Variants in PTCHD4 observed in about 807,000 individuals in gnomAD.
PTCHD4 encodes the protein patched domain containing 4.
In PTCHD4, 33 loss-of-function variants were observed where a neutral mutation model predicts 58.1. That is an observed-to-expected ratio of 0.57 (90% confidence interval 0.43 to 0.76). PTCHD4 has a LOEUF of 0.76. PTCHD4 is among the 30% of genes least tolerant of loss of function. PTCHD4 has a pLI of 0.00. For synonymous variants in PTCHD4, 478 were observed against 409.6 expected (o/e 1.17, Z -2.02); for missense variants, 1,058 against 1,027.1 (o/e 1.03, Z -0.41).
chr6:48,102,682 T>C (rs1308797885), intron 1 of PTCHD4, among the ~76,000 whole-genome samples: 10 of 152,030 alleles, frequency 6.6e-5, no homozygotes, highest in African/African-American at 2.4e-4. Flanking sequence ...ACCTGGGAAG[T>C]GCAAGGAATT....
At chr6:47,964,278 A>G in intron 4 of PTCHD4, among the ~76,000 whole-genome samples, 1 of 152,200 alleles carries the variant, frequency 6.6e-6, no homozygotes, top group East Asian at 1.9e-4. Context: ...TATGCACATA[A>G]ACATTTGTTA....
chr6:48,025,953 C>T (rs1763229052), intron 3 of PTCHD4, among the ~76,000 whole-genome samples: 1 of 152,002 alleles, frequency 6.6e-6, no homozygotes, highest in African/African-American at 2.4e-5. Context: ...GCAATGACTC[C>T]TACCACTCTC....
chr6:48,078,846 C>T (rs1042137877), intron 1 of PTCHD4, among the ~76,000 whole-genome samples: 10 of 152,150 alleles, frequency 6.6e-5, no homozygotes, highest in African/African-American at 2.4e-4. Flanking sequence ...TGGCCGGGCG[C>T]GGTGGCTCAT....
Position 47,879,278 on chromosome 6 carries a change from G to A in PTCHD4, c.1557C>T (p.Tyr519=), listed in dbSNP as rs773260815. ...FSNYSPVIGF[Y]VYEPLEYWNS... ...TCCAGTACTCTAGGGGCTCATAGAC[G>A]TAGAATCCTATCACAGGGCTATAGT... Residue 519 remains tyrosine, a synonymous_variant, in exon 5 of 5, where the codon TAC becomes TAT. Transcript: ENST00000339488. 62 of 1,612,444 alleles carry A rather than the reference G, an allele frequency of 3.8e-5. No homozygotes were observed. The Middle Eastern group carries it at 4.9e-4, about 13-fold the overall frequency.
At chr6:47,961,442 C>A (rs950768316) in intron 4 of PTCHD4, among the ~76,000 whole-genome samples, 1 of 151,894 alleles carries the variant, frequency 6.6e-6, no homozygotes, top group South Asian at 2.1e-4. Flanking sequence ...CAGGTGCCCA[C>A]TACCCATGCC....
intron 4 of PTCHD4, chr6:47,902,009 G>T: frequency 2.0e-6 from 2 of 993,376 alleles, no homozygotes; most frequent in Non-Finnish European, 2.8e-6. Context: ...TTCCCACTTA[G>T]TATAGTAAAA....
chr6:48,029,530 T>C (rs1050237913), intron 3 of PTCHD4, among the ~76,000 whole-genome samples: 4 of 152,118 alleles, frequency 2.6e-5, no homozygotes, highest in African/African-American at 4.8e-5. Flanking sequence ...TATTTTTAAA[T>C]GTTAAATTTT....
intron 3 of PTCHD4, among the ~76,000 whole-genome samples, chr6:48,047,466 C>T (rs1329453995): frequency 6.6e-6 from 1 of 151,696 alleles, no homozygotes; most frequent in Non-Finnish European, 1.5e-5. Context: ...TAGAGTCAAC[C>T]AGTTAGGCAG....
rs1167787936 is a variant in PTCHD4, at chr6:47,860,489, A to G, written c.*17814T>C. Among the ~76,000 whole-genome samples the G allele has an allele frequency of 6.6e-6, 1 of 152,166 alleles. No homozygotes were observed. The highest frequency in any genetic ancestry group is 2.4e-5 in the African/African-American group (1 of 41,570). ...GTAATCTACATCATTGCTTATCCCA[A>G]CTTAGAGCTTATACCTATACATCTG... On this transcript the variant is annotated 3_prime_UTR_variant, in exon 5 of 5. Transcript: ENST00000339488.
intron 4 of PTCHD4, among the ~76,000 whole-genome samples, chr6:47,997,768 G>A (rs1181000627): frequency 1.3e-5 from 2 of 152,282 alleles, no homozygotes; most frequent in Admixed American, 6.5e-5. Context: ...AAGCCACCAT[G>A]TTCCAGGAAG....
chr6:47,897,248 A>G (rs917788982), intron 4 of PTCHD4, among the ~76,000 whole-genome samples: 8 of 152,146 alleles, frequency 5.3e-5, no homozygotes, highest in South Asian at 2.1e-4. Flanking sequence ...TGATGATGAG[A>G]GTCTGATAAC....
chr6:47,987,406 TA>T (rs371987139), intron 4 of PTCHD4, among the ~76,000 whole-genome samples: 18 of 135,494 alleles, frequency 1.3e-4, no homozygotes, highest in East Asian at 4.2e-4. Flanking sequence ...TAAAGTATAA[TA>T]AAAAAAAAGA....
chr6:48,106,882 C>T (rs368453132), intron 1 of PTCHD4, among the ~76,000 whole-genome samples: 4 of 152,080 alleles, frequency 2.6e-5, no homozygotes, highest in Non-Finnish European at 5.9e-5. Context: ...ACCTAGGAAT[C>T]CAACTTACAA....
In PTCHD4 at chr6:47,871,373, G is replaced by T. The variant is rs1209498374; in HGVS notation, c.*6930C>A. Among the ~76,000 whole-genome samples, 1 of 151,590 alleles carries T rather than the reference G, an allele frequency of 6.6e-6. No homozygotes were observed. Among genetic ancestry groups the T allele is most frequent in the Non-Finnish European group, 1.5e-5 (1 of 67,700 alleles). On this transcript the variant is annotated 3_prime_UTR_variant, in exon 5 of 5. Coordinates refer to ENST00000339488, the MANE Select transcript of PTCHD4 (RefSeq NM_001384253.1). ...GAACAGATTTTTTCCTCCAAGAAAA[G>T]TGATAAGTGAAATGCACTTGGAATT...
At chr6:48,045,099 A>G (rs1413613666) in intron 3 of PTCHD4, among the ~76,000 whole-genome samples, 1 of 151,830 alleles carries the variant, frequency 6.6e-6, no homozygotes, top group African/African-American at 2.4e-5. Flanking sequence ...AACTCTGCAT[A>G]TCATCCCTAC....
chr6:48,094,015 AG>A (rs1765414936), intron 1 of PTCHD4, among the ~76,000 whole-genome samples: 1 of 152,216 alleles, frequency 6.6e-6, no homozygotes, highest in Non-Finnish European at 1.5e-5. Flanking sequence ...AATGTGTAAT[AG>A]GGGTGCATAT....
chr6:48,031,946 C>T (rs938118005), intron 3 of PTCHD4, among the ~76,000 whole-genome samples: 2 of 152,044 alleles, frequency 1.3e-5, no homozygotes, highest in African/African-American at 4.8e-5. Flanking sequence ...GAATTCCCTC[C>T]AGTCAAGTTG....
At chr6:47,891,243 A>C (rs1336079827) in intron 4 of PTCHD4, among the ~76,000 whole-genome samples, 1 of 138,400 alleles carries the variant, frequency 7.2e-6, no homozygotes, top group African/African-American at 2.6e-5. Context: ...AAAAAAAAAA[A>C]GATTGAGGAA....
intron 1 of PTCHD4, among the ~76,000 whole-genome samples, chr6:48,076,707 A>C (rs1377559272): frequency 6.6e-6 from 1 of 152,252 alleles, no homozygotes; most frequent in Non-Finnish European, 1.5e-5. Context: ...TAATTGAGCA[A>C]TTAATGATTC....
Sources: gnomAD v4.1 joint callset for allele counts (sites outside exome capture counted in the v4.1 genomes callset) on GRCh38, gnomAD v4.1.1 for gene constraint, MANE v1.5 for transcripts, NCBI Gene and HGNC (gene_info 2026-07-23, HGNC 2026-07-21) for gene names.